The following YTHDF2 variants were observed in gnomAD, a reference collection of about 807,000 sequenced individuals.
YTHDF2 encodes YTH N6-methyladenosine RNA binding protein F2, also known as YTH domain-containing family protein 2.
Under a neutral mutation model 50.4 loss-of-function variants are expected in YTHDF2, and 2 were observed. The ratio of observed to expected loss-of-function variants is 0.04; its 90% CI spans 0.02 to 0.12. YTHDF2 has a LOEUF of 0.12. Ranked by LOEUF, YTHDF2 falls within the 10% of genes least tolerant of loss-of-function variation. The pLI is 1.00. For missense variants in YTHDF2, 483 were observed against 722.6 expected (o/e 0.67, Z 3.80); for synonymous variants, 217 against 255.6 (o/e 0.85, Z 1.44).
intron 2 of YTHDF2, 63 bp from the exon 3 acceptor site, chr1:28,738,196 G>C: frequency 1.5e-6 from 2 of 1,338,756 alleles, no homozygotes; most frequent in Admixed American, 3.5e-5. Flanking sequence ...TAGCATATAT[G>C]AACTAATTTG....
chr1:28,759,364 G>C (rs1322605061), intron 4 of YTHDF2, among the ~76,000 whole-genome samples: 1 of 152,148 alleles, frequency 6.6e-6, no homozygotes, highest in Non-Finnish European at 1.5e-5. Context: ...TTAAAACTTA[G>C]GGAACATACC....
chr1:28,757,885 T>A (rs2088058371), intron 4 of YTHDF2, among the ~76,000 whole-genome samples: 1 of 152,138 alleles, frequency 6.6e-6, no homozygotes, highest in Non-Finnish European at 1.5e-5. Context: ...AGGTATAATA[T>A]TTACCCATAT....
chr1:28,767,725 G>A (rs2088238757), intron 4 of YTHDF2, among the ~76,000 whole-genome samples: 1 of 150,790 alleles, frequency 6.6e-6, no homozygotes, highest in Admixed American at 6.6e-5. Flanking sequence ...AGCCGGGATG[G>A]TCTCGATCTC....
intron 4 of YTHDF2, among the ~76,000 whole-genome samples, chr1:28,752,851 T>C (rs537105032): frequency 1.3e-5 from 2 of 152,128 alleles, no homozygotes; most frequent in South Asian, 4.1e-4. Flanking sequence ...GAGACCAGCC[T>C]GGGCAGCATA....
rs768699793 is a variant in YTHDF2 at position 28,743,536 on chromosome 1, T to C, written c.1266T>C (p.Asp422=). Residue 422 remains aspartate, a synonymous_variant, in exon 4 of 5, where the codon GAT becomes GAC. Transcript: ENST00000373812. The surrounding 1 kb of genome is among the most constrained non-coding windows in gnomAD (Gnocchi z 6.9). ...TCATTAAGAGCTACTCTGAGGACGA[T>C]ATTCACCGTTCCATTAAGTATAATA... ...VFIIKSYSED[D]IHRSIKYNIW... is the part of the protein sequence containing the mutation. 7 of 1,614,154 alleles carry C rather than the reference T, an allele frequency of 4.3e-6. No homozygotes were observed. The highest frequency in any genetic ancestry group is 5.9e-6 in the Non-Finnish European group (7 of 1,180,038).
chr1:28,741,154 C>T (rs1028732674), intron 3 of YTHDF2, among the ~76,000 whole-genome samples: 5 of 151,784 alleles, frequency 3.3e-5, no homozygotes, highest in African/African-American at 9.7e-5. Context: ...GGTGCCACCA[C>T]GCCTGGCTAA....
At chr1:28,751,709 A>G (rs2087955265) in intron 4 of YTHDF2, among the ~76,000 whole-genome samples, 1 of 152,174 alleles carries the variant, frequency 6.6e-6, no homozygotes, top group African/African-American at 2.4e-5. Context: ...AATTGCTGGG[A>G]TGGAACAGAG....
At chr1:28,760,488 G>GT (rs2088105779) in intron 4 of YTHDF2, among the ~76,000 whole-genome samples, 1 of 151,956 alleles carries the variant, frequency 6.6e-6, no homozygotes, top group African/African-American at 2.4e-5. Context: ...TAGAGACGGG[G>GT]TTTCACCGTG....
Position 28,743,152 on chromosome 1 carries a change from G to C in YTHDF2, c.882G>C (p.Gln294His), listed in dbSNP as rs1257533090. The part of the protein sequence containing the change: ...VAKAPSQALV[Q>H]NIGQPTQGSP... ...AAGCCCCCTCACAGGCTTTGGTTCAGAATATAGGTCAGCCAACCCAGGGGT... is the reference window on the plus strand; with the variant it reads ...AAGCCCCCTCACAGGCTTTGGTTCACAATATAGGTCAGCCAACCCAGGGGT... The change falls in exon 4 of 5, where the codon CAG becomes CAC. Residue 294 changes from glutamine (Q) to histidine (H), a missense_variant. Around this residue, in one of 4 missense-constraint regions of YTHDF2, gnomAD observed 385 missense variants for 475.8 expected, o/e 0.81. Coordinates refer to ENST00000373812, the MANE Select transcript of YTHDF2 (RefSeq NM_016258.3). The surrounding 1 kb of genome is among the most constrained non-coding windows in gnomAD (Gnocchi z 6.9). 1.2e-6 allele frequency: 2 copies of C among 1,614,182 alleles called. No individual in the cohort carries two copies.
chr1:28,751,508 A>G (rs2087952577), intron 4 of YTHDF2, among the ~76,000 whole-genome samples: 1 of 152,208 alleles, frequency 6.6e-6, no homozygotes, highest in African/African-American at 2.4e-5. Context: ...GCAGATAAAT[A>G]TACTTGTTTA....
At chr1:28,760,981 A>G (rs1040131060) in intron 4 of YTHDF2, among the ~76,000 whole-genome samples, 2 of 152,120 alleles carry the variant, frequency 1.3e-5, no homozygotes, top group Admixed American at 6.6e-5. Context: ...TACCACAAAC[A>G]AGTGAGTAAT....
chr1:28,765,711 C>T (rs572140443), intron 4 of YTHDF2, among the ~76,000 whole-genome samples: 24 of 152,154 alleles, frequency 1.6e-4, no homozygotes, highest in Non-Finnish European at 2.9e-4. Flanking sequence ...CCTCAGCCTT[C>T]TAAAGTGTGA....
At chr1:28,738,838 A>G (rs2087735704) in intron 3 of YTHDF2, among the ~76,000 whole-genome samples, 2 of 152,236 alleles carry the variant, frequency 1.3e-5, no homozygotes, top group South Asian at 4.1e-4. Context: ...AATGTATTAT[A>G]AAACAGTTAA....
At chr1:28,757,289 A>T (rs2088048182) in intron 4 of YTHDF2, among the ~76,000 whole-genome samples, 1 of 152,234 alleles carries the variant, frequency 6.6e-6, no homozygotes, top group Non-Finnish European at 1.5e-5. Context: ...AGCTAGAGTT[A>T]CCAAGAAACT....
intron 4 of YTHDF2, among the ~76,000 whole-genome samples, chr1:28,763,446 T>C (rs1190371146): frequency 6.6e-6 from 1 of 151,904 alleles, no homozygotes; most frequent in African/African-American, 2.4e-5. Context: ...GCTAGTTTTT[T>C]ATTTATTTTT....
At chr1:28,748,445 A>AT (rs1281226461) in intron 4 of YTHDF2, among the ~76,000 whole-genome samples, 2 of 151,496 alleles carry the variant, frequency 1.3e-5, no homozygotes, top group Non-Finnish European at 2.9e-5. Flanking sequence ...TAACCCCATA[A>AT]AGAAGTAGGG....
intron 4 of YTHDF2, among the ~76,000 whole-genome samples, chr1:28,746,946 A>G (rs12037934): frequency 0.47 from 70,349 of 150,016 alleles, 16,901 homozygotes; most frequent in East Asian, 0.78. Context: ...GCTGGGCGTG[A>G]TGGTGCATGC....
At chr1:28,756,950 GTC>G (rs1275125843) in intron 4 of YTHDF2, among the ~76,000 whole-genome samples, 5 of 152,290 alleles carry the variant, frequency 3.3e-5, no homozygotes, top group Non-Finnish European at 1.5e-5. Flanking sequence ...AATCCTGTAA[GTC>G]TGCACAATGA....
At chr1:28,748,589 A>G (rs1183088751) in intron 4 of YTHDF2, among the ~76,000 whole-genome samples, 2 of 152,234 alleles carry the variant, frequency 1.3e-5, no homozygotes, top group Non-Finnish European at 1.5e-5. Flanking sequence ...GTTCTGCATG[A>G]TCTAATTAAC....
Sources: allele counts gnomAD v4.1 joint callset (sites outside exome capture counted in the v4.1 genomes callset), GRCh38; gene constraint gnomAD v4.1.1; regional missense constraint gnomAD v4.1.1; non-coding constraint Gnocchi (gnomAD v3.1); transcripts MANE v1.5; gene names NCBI Gene and HGNC (gene_info 2026-07-23, HGNC 2026-07-21).